The following ST8SIA6 variants were observed in gnomAD, a reference collection of about 807,000 sequenced individuals.
ST8SIA6 encodes ST8 alpha-N-acetyl-neuraminide alpha-2,8-sialyltransferase 6, also known as alpha-2,8-sialyltransferase 8F.
ST8SIA6 carries 39 observed loss-of-function variants against 33.6 expected under a neutral mutation model. The observed-to-expected ratio is 1.16, with a 90% CI of 0.90 to 1.52. The LOEUF is 1.52. ST8SIA6 is among the 40% of genes most tolerant of loss of function. The pLI, the probability that ST8SIA6 is intolerant of heterozygous loss-of-function variation, is 0.00. For synonymous variants in ST8SIA6, 172 were observed against 167.2 expected, an observed-to-expected ratio of 1.03 and a Z score of -0.22; for missense variants, 441 against 443.8, an observed-to-expected ratio of 0.99 and a Z score of 0.06.
intron 2 of ST8SIA6, among the ~76,000 whole-genome samples, chr10:17,438,867 A>C (rs1472289809): frequency 6.6e-6 from 1 of 152,254 alleles, no homozygotes; most frequent in Non-Finnish European, 1.5e-5. Context: ...ATTAAGACCA[A>C]GAGAATATTG....
chr10:17,330,786 C>A (rs1208031367), intron 5 of ST8SIA6, among the ~76,000 whole-genome samples: 1 of 152,022 alleles, frequency 6.6e-6, no homozygotes, highest in African/African-American at 2.4e-5. Context: ...CAAAACTTCC[C>A]CAAGTGTGGG....
intron 6 of ST8SIA6, among the ~76,000 whole-genome samples, chr10:17,324,058 A>G (rs1409085541): frequency 1.3e-5 from 2 of 152,214 alleles, no homozygotes; most frequent in Non-Finnish European, 2.9e-5. Flanking sequence ...TTGAGTACTA[A>G]TTTGCTTTTA....
chr10:17,447,888 A>C (rs947312351), intron 2 of ST8SIA6, among the ~76,000 whole-genome samples: 1 of 151,964 alleles, frequency 6.6e-6, no homozygotes, highest in Non-Finnish European at 1.5e-5. Flanking sequence ...GATCTTGGTG[A>C]GATCATGTTC....
chr10:17,421,543 A>C (rs1536748), intron 2 of ST8SIA6, among the ~76,000 whole-genome samples: 65,658 of 151,942 alleles, frequency 0.43, 14,937 homozygotes, highest in East Asian at 0.61. Context: ...AAAAGGATTC[A>C]TACAAATTAG....
chr10:17,429,748 G>T (rs549385222), intron 2 of ST8SIA6, among the ~76,000 whole-genome samples: 41 of 152,242 alleles, frequency 2.7e-4, no homozygotes, highest in African/African-American at 9.9e-4. Flanking sequence ...GCCTCCCAGA[G>T]TGTCAGGATT....
In ST8SIA6 at chr10:17,316,374, G is replaced by A. The variant is rs1847776062; in HGVS notation, c.*4504C>T. ...ACTGCTGTATCATATTCCACACTAT[G>A]GATCCAGTCAAGTTAGTTCACTGAC... On this transcript the variant is annotated 3_prime_UTR_variant, in exon 8 of 8. Transcript: ENST00000377602. 6.6e-6 allele frequency among the ~76,000 whole-genome samples: 1 copy of A among 152,034 alleles called. No homozygotes were observed. Among genetic ancestry groups the A allele is most frequent in the Admixed American group, 6.6e-5 (1 of 15,258 alleles).
intron 4 of ST8SIA6, among the ~76,000 whole-genome samples, chr10:17,345,765 A>G (rs1848814067): frequency 1.3e-5 from 2 of 152,150 alleles, no homozygotes; most frequent in Non-Finnish European, 2.9e-5. Context: ...CACATGGGAT[A>G]TGCATTTTAG....
intron 6 of ST8SIA6, among the ~76,000 whole-genome samples, chr10:17,324,673 T>C (rs1459669728): frequency 6.7e-6 from 1 of 148,180 alleles, no homozygotes; most frequent in Non-Finnish European, 1.5e-5. Flanking sequence ...GATTCTACTT[T>C]TGCTGATGCC....
intron 4 of ST8SIA6, among the ~76,000 whole-genome samples, chr10:17,351,493 T>G (rs1007311497): frequency 3.5e-5 from 5 of 144,836 alleles, no homozygotes; most frequent in African/African-American, 1.3e-4. Context: ...ACATACTAGA[T>G]GAAACCCAAA....
At chr10:17,334,254 T>C (rs1848429667) in intron 4 of ST8SIA6, among the ~76,000 whole-genome samples, 1 of 151,808 alleles carries the variant, frequency 6.6e-6, no homozygotes, top group South Asian at 2.1e-4. Flanking sequence ...AATTATAAAA[T>C]ACAGGCTGGG....
In ST8SIA6 at chr10:17,319,042, A is replaced by G. The variant is rs1032659839; in HGVS notation, c.*1836T>C. On this transcript the variant is annotated 3_prime_UTR_variant, in exon 8 of 8. Coordinates refer to ENST00000377602, the MANE Select transcript of ST8SIA6 (RefSeq NM_001004470.3). ...GCTAGAAAGAGAGTAGGAGAGCTTC[A>G]AACAATGGCCAACAACCCCAATCTG... Among the ~76,000 whole-genome samples the G allele has an allele frequency of 3.0e-4, 46 of 152,172 alleles. 2 individuals are homozygous for G.
chr10:17,398,741 T>C (rs1850921164), intron 2 of ST8SIA6, among the ~76,000 whole-genome samples: 1 of 152,150 alleles, frequency 6.6e-6, no homozygotes. Flanking sequence ...TACAGTTCTT[T>C]CCATATACTT....
At chr10:17,325,052 T>C (rs1848081634) in intron 6 of ST8SIA6, among the ~76,000 whole-genome samples, 1 of 142,398 alleles carries the variant, frequency 7.0e-6, no homozygotes, top group African/African-American at 2.5e-5. Context: ...TATGTATATA[T>C]GTATACATAT....
chr10:17,324,092 C>A (rs1848049010), intron 6 of ST8SIA6, among the ~76,000 whole-genome samples: 1 of 152,074 alleles, frequency 6.6e-6, no homozygotes. Context: ...ATTAAGAATT[C>A]TAATTTTGAG....
Position 17,420,337 on chromosome 10 carries a change from G to A in ST8SIA6, c.201-29717C>T, listed in dbSNP as rs188944695. Reference sequence around the variant, plus strand: ...TGAGGCAGGAGAATGGCGTGAACCCGAGAAGCGGAGCTTGCAGTGAGCTGA... The same window carrying A: ...TGAGGCAGGAGAATGGCGTGAACCCAAGAAGCGGAGCTTGCAGTGAGCTGA... On this transcript the variant is annotated intron_variant, in intron 2 of 7. Coordinates refer to ENST00000377602, the MANE Select transcript of ST8SIA6 (RefSeq NM_001004470.3). 7.9e-3 allele frequency among the ~76,000 whole-genome samples: 1,197 copies of A among 152,304 alleles called. 8 individuals carry two copies. Among genetic ancestry groups the A allele is most frequent in the African/African-American group, 0.027 (1,138 of 41,554 alleles).
chr10:17,430,137 T>C (rs185890392), intron 2 of ST8SIA6, among the ~76,000 whole-genome samples: 1 of 152,298 alleles, frequency 6.6e-6, no homozygotes, highest in Non-Finnish European at 1.5e-5. Context: ...CATTTATAAG[T>C]GAGGATATAC....
At chr10:17,366,927 C>T (rs1293284004) in intron 3 of ST8SIA6, among the ~76,000 whole-genome samples, 1 of 152,150 alleles carries the variant, frequency 6.6e-6, no homozygotes, top group Non-Finnish European at 1.5e-5. Flanking sequence ...GGAAGTCAGC[C>T]TCAAGGACAT....
In ST8SIA6 at chr10:17,331,388, C is replaced by A; in HGVS notation, c.522+20G>T. On this transcript the variant is annotated intron_variant, in intron 5 of 7. Coordinates refer to ENST00000377602, the MANE Select transcript of ST8SIA6 (RefSeq NM_001004470.3). The stretch of plus-strand genomic sequence containing the variant: ...ACCTGGAATGGTAACACAAATAACC[C>A]ACCAGAAACCTTTACTCACCACTGG... 1 of 1,590,878 alleles carries A rather than the reference C, an allele frequency of 6.3e-7. No individual in the cohort carries two copies. Among genetic ancestry groups the A allele is most frequent in the South Asian group, 1.2e-5 (1 of 86,664 alleles).
At chr10:17,405,124 C>G (rs1383421320) in intron 2 of ST8SIA6, among the ~76,000 whole-genome samples, 2 of 152,174 alleles carry the variant, frequency 1.3e-5, no homozygotes, top group Non-Finnish European at 2.9e-5. Flanking sequence ...AGTTTTCTCA[C>G]TGATAATTTA....
Sources: allele counts gnomAD v4.1 joint callset (sites outside exome capture counted in the v4.1 genomes callset), GRCh38; gene constraint gnomAD v4.1.1; transcripts MANE v1.5; gene names NCBI Gene and HGNC (gene_info 2026-07-23, HGNC 2026-07-21).